Variants in PLEKHH2 observed in about 807,000 individuals in gnomAD.
PLEKHH2 encodes pleckstrin homology, MyTH4 and FERM domain containing H2.
Under a neutral mutation model 187.9 loss-of-function variants are expected in PLEKHH2, and 129 were observed. That is an observed-to-expected ratio of 0.69 (90% CI 0.59 to 0.79). The LOEUF is 0.79. Ranked by LOEUF, PLEKHH2 falls within the 30% of genes least tolerant of loss-of-function variation. The probability of loss-of-function intolerance (pLI) is 0.00; values close to 1 mark genes in which losing one functional copy is unlikely to be tolerated. For synonymous variants in PLEKHH2, 686 were observed against 605.6 expected, an observed-to-expected ratio of 1.13 and a Z score of -1.95; for missense variants, 2,076 against 1,751.2, an observed-to-expected ratio of 1.19 and a Z score of -3.31.
At chr2:43,750,067 G>A (rs550854975) in intron 24 of PLEKHH2, among the ~76,000 whole-genome samples, 5 of 152,230 alleles carry the variant, frequency 3.3e-5, no homozygotes, top group African/African-American at 9.6e-5. Flanking sequence ...AAGAGCCAAG[G>A]CATGTTTTTA....
At chr2:43,637,812 G>A (rs1001969409) in intron 1 of PLEKHH2, among the ~76,000 whole-genome samples, 1 of 152,188 alleles carries the variant, frequency 6.6e-6, no homozygotes, top group African/African-American at 2.4e-5. Context: ...CAGGATCTCC[G>A]GGGCGAAACT....
intron 2 of PLEKHH2, among the ~76,000 whole-genome samples, chr2:43,677,841 A>C (rs1572535211): frequency 1.5e-5 from 2 of 133,336 alleles, no homozygotes; most frequent in South Asian, 2.5e-4. Flanking sequence ...ACCCCCCCCC[A>C]CCTCCCTCCC....
chr2:43,703,164 T>A (rs1029804001), intron 8 of PLEKHH2, among the ~76,000 whole-genome samples: 3 of 152,194 alleles, frequency 2.0e-5, no homozygotes, highest in African/African-American at 7.2e-5. Context: ...GAGGATGGCC[T>A]TAGTTGCCCA....
chr2:43,657,449 T>A (rs1182493385), intron 2 of PLEKHH2, among the ~76,000 whole-genome samples: 1 of 152,190 alleles, frequency 6.6e-6, no homozygotes, highest in African/African-American at 2.4e-5. Flanking sequence ...CTGTCCATGG[T>A]GATTCAGGGC....
chr2:43,745,361 AC>A (rs1671734501), intron 23 of PLEKHH2, among the ~76,000 whole-genome samples: 1 of 152,096 alleles, frequency 6.6e-6, no homozygotes, highest in South Asian at 2.1e-4. Context: ...ACCACAAGGG[AC>A]CTTAGAGAAA....
intron 3 of PLEKHH2, chr2:43,679,621 G>A (rs1334903819): frequency 3.7e-6 from 1 of 267,002 alleles, no homozygotes; most frequent in Admixed American, 5.3e-5. Context: ...TCAATCTCCT[G>A]AATAACTGGG....
intron 5 of PLEKHH2, 74 bp downstream of exon 5, chr2:43,694,588 A>G: frequency 7.1e-7 from 1 of 1,418,156 alleles, no homozygotes; most frequent in South Asian, 1.4e-5. Flanking sequence ...AGAATATGTG[A>G]TTACTCTGAG....
chr2:43,737,200 A>G (rs1219598224), intron 19 of PLEKHH2, among the ~76,000 whole-genome samples: 4 of 152,332 alleles, frequency 2.6e-5, no homozygotes, highest in South Asian at 4.1e-4. Context: ...GTCATCTCAG[A>G]GCAAAGCTAA....
At chr2:43,702,515 C>A (rs572787766) in intron 8 of PLEKHH2, among the ~76,000 whole-genome samples, 1 of 124,346 alleles carries the variant, frequency 8.0e-6, no homozygotes, top group Non-Finnish European at 1.7e-5. Context: ...TATTTGGCAA[C>A]CCATTCTACT....
chr2:43,685,972 G>A (rs1668484012), intron 3 of PLEKHH2, among the ~76,000 whole-genome samples: 1 of 152,162 alleles, frequency 6.6e-6, no homozygotes, highest in Non-Finnish European at 1.5e-5. Context: ...ATAAAAGTAT[G>A]TGTCTTTTTA....
At chr2:43,748,214 G>C (rs932500511) in intron 24 of PLEKHH2, among the ~76,000 whole-genome samples, 3 of 152,212 alleles carry the variant, frequency 2.0e-5, no homozygotes, top group African/African-American at 7.2e-5. Context: ...GTGATGATTT[G>C]CCAGAGGTTC....
intron 2 of PLEKHH2, among the ~76,000 whole-genome samples, chr2:43,666,337 C>A (rs1014130444): frequency 2.0e-5 from 3 of 151,344 alleles, no homozygotes; most frequent in Non-Finnish European, 4.4e-5. Context: ...TCGGCTCGCG[C>A]ACGGTGCGCA....
At chr2:43,760,359 C>CTTTTTTTTTTTTTTTTTTTTT (rs763777313) in intron 27 of PLEKHH2, among the ~76,000 whole-genome samples, 1 of 119,076 alleles carries the variant, frequency 8.4e-6, no homozygotes, top group Non-Finnish European at 1.7e-5. Flanking sequence ...ACCCTTTAAC[C>CTTTTTTTTTTTTTTTTTTTTT]TTTTTTTTTT....
intron 2 of PLEKHH2, among the ~76,000 whole-genome samples, chr2:43,651,011 T>C (rs900767149): frequency 1.3e-5 from 2 of 152,170 alleles, no homozygotes; most frequent in African/African-American, 4.8e-5. Context: ...TTATTGGATA[T>C]ACCTAATGTA....
intron 8 of PLEKHH2, 35 bp from the exon 9 acceptor site, chr2:43,703,946 T>TTTTA: frequency 1.6e-6 from 1 of 618,594 alleles, no homozygotes; most frequent in South Asian, 2.0e-5. Flanking sequence ...TTTTTTGCTT[T>TTTTA]AAATACCCTG....
intron 2 of PLEKHH2, among the ~76,000 whole-genome samples, chr2:43,672,849 C>A (rs1243816419): frequency 2.6e-5 from 4 of 152,092 alleles, no homozygotes; most frequent in Non-Finnish European, 5.9e-5. Flanking sequence ...TATCCATAAT[C>A]CTGTCACCTA....
intron 16 of PLEKHH2, among the ~76,000 whole-genome samples, chr2:43,724,648 T>C (rs1419595893): frequency 2.0e-5 from 3 of 152,254 alleles, no homozygotes; most frequent in Non-Finnish European, 2.9e-5. Flanking sequence ...GCTCCTCCTT[T>C]ACTGGCATTT....
At chr2:43,717,185 A>T (rs1479222331) in intron 15 of PLEKHH2, among the ~76,000 whole-genome samples, 1 of 152,220 alleles carries the variant, frequency 6.6e-6, no homozygotes, top group Non-Finnish European at 1.5e-5. Flanking sequence ...TGGGAGGCCA[A>T]GGTGGGAGGA....
chr2:43,734,014 C>T (rs547771064), intron 19 of PLEKHH2, among the ~76,000 whole-genome samples: 3 of 152,220 alleles, frequency 2.0e-5, no homozygotes, highest in South Asian at 2.1e-4. Context: ...CCAAACTTTA[C>T]GTGTAGATAA....
Sources: allele counts gnomAD v4.1 joint callset (sites outside exome capture counted in the v4.1 genomes callset), GRCh38; gene constraint gnomAD v4.1.1; transcripts MANE v1.5; gene names NCBI Gene and HGNC (gene_info 2026-07-23, HGNC 2026-07-21).